The following FHOD3 variants were observed in gnomAD, a reference collection of about 807,000 sequenced individuals.
The protein encoded by FHOD3 is FH1/FH2 domain-containing protein 3.
A neutral mutation model predicts 173.0 loss-of-function variants in FHOD3; 90 were observed. The observed-to-expected ratio is 0.52, with a 90% CI of 0.44 to 0.62. FHOD3 has a LOEUF of 0.62. Ranked by LOEUF, FHOD3 falls within the 20% of genes least tolerant of loss-of-function variation. The pLI is 0.00. For missense variants in FHOD3, 1,945 were observed against 2,034.7 expected (o/e 0.96, Z 0.85); for synonymous variants, 828 against 823.0 (o/e 1.01, Z -0.10).
At chr18:36,551,844 C>G (rs1486743827) in intron 5 of FHOD3, among the ~76,000 whole-genome samples, 1 of 152,104 alleles carries the variant, frequency 6.6e-6, no homozygotes, top group Non-Finnish European at 1.5e-5. Context: ...CTGTTCTCTT[C>G]CATTGATCTA....
At chr18:36,354,123 T>G (rs1253775368) in intron 1 of FHOD3, among the ~76,000 whole-genome samples, 1 of 152,204 alleles carries the variant, frequency 6.6e-6, no homozygotes, top group African/African-American at 2.4e-5. Context: ...GGAATGGTGT[T>G]GGCAAACACA....
At position 36,385,691 on chromosome 18, in the gene FHOD3, G is replaced by A. The variant is rs1855806700; in HGVS notation, c.337+12947G>A. On this transcript the variant is annotated intron_variant, in intron 3 of 28. Coordinates refer to ENST00000590592, the MANE Select transcript of FHOD3 (RefSeq NM_001281740.3). ...GCTGGGATTACAGGCGTGAGCCACT[G>A]GGCCTGGCCTCCAGTTATCGTGTTT... Among the ~76,000 whole-genome samples, 4 of 152,308 alleles carry A rather than the reference G, an allele frequency of 2.6e-5. No individual in the cohort carries two copies. The South Asian group carries it at 8.3e-4, about 32-fold the overall frequency.
intron 15 of FHOD3, among the ~76,000 whole-genome samples, chr18:36,684,203 C>T (rs1033978966): frequency 7.2e-5 from 11 of 152,204 alleles, no homozygotes; most frequent in South Asian, 2.1e-4. Flanking sequence ...GAACTTAACC[C>T]GGTTGATTAC....
chr18:36,416,812 C>G (rs973971903), intron 3 of FHOD3, among the ~76,000 whole-genome samples: 2 of 152,142 alleles, frequency 1.3e-5, no homozygotes, highest in Non-Finnish European at 2.9e-5. Flanking sequence ...CCCCTGCTCC[C>G]TTGCCTTCAA....
chr18:36,406,057 T>C (rs2049038426), intron 3 of FHOD3, among the ~76,000 whole-genome samples: 1 of 152,140 alleles, frequency 6.6e-6, no homozygotes, highest in African/African-American at 2.4e-5. Context: ...TGCCCTAAGT[T>C]CACATTGTGG....
intron 15 of FHOD3, among the ~76,000 whole-genome samples, chr18:36,684,219 A>G (rs1053902188): frequency 6.6e-6 from 1 of 152,212 alleles, no homozygotes; most frequent in African/African-American, 2.4e-5. Context: ...ATTACCTGCT[A>G]ATACAAAATA....
intron 10 of FHOD3, among the ~76,000 whole-genome samples, chr18:36,635,791 C>T (rs140039077): frequency 6.6e-6 from 1 of 152,216 alleles, no homozygotes; most frequent in Non-Finnish European, 1.5e-5. Flanking sequence ...GTTTAGAGGC[C>T]CTAACCCAGG....
intron 10 of FHOD3, among the ~76,000 whole-genome samples, chr18:36,630,855 T>A (rs1026262784): frequency 6.6e-6 from 1 of 152,238 alleles, no homozygotes; most frequent in Non-Finnish European, 1.5e-5. Flanking sequence ...TTGACTAATG[T>A]ATGTTTCACA....
chr18:36,405,005 A>C (rs1266226409), intron 3 of FHOD3, among the ~76,000 whole-genome samples: 1 of 152,176 alleles, frequency 6.6e-6, no homozygotes, highest in Admixed American at 6.5e-5. Flanking sequence ...AAGTTTTTCC[A>C]GGTGATCCTA....
chr18:36,603,609 T>A (rs547858390), intron 8 of FHOD3, among the ~76,000 whole-genome samples: 28 of 151,988 alleles, frequency 1.8e-4, no homozygotes, highest in Non-Finnish European at 5.9e-5. Flanking sequence ...GTTCAAGAGA[T>A]CCTCCTGCCT....
intron 14 of FHOD3, among the ~76,000 whole-genome samples, chr18:36,673,793 C>T (rs1372844715): frequency 6.6e-6 from 1 of 152,144 alleles, no homozygotes; most frequent in Non-Finnish European, 1.5e-5. Flanking sequence ...CTTTCCATTC[C>T]ATTGCTTCAC....
rs57495785 is a variant in FHOD3 at position 36,573,421 on chromosome 18, A to C, written c.512-3030A>C. On this transcript the variant is annotated intron_variant, in intron 5 of 28. Transcript: ENST00000590592. ...GGAGTTTGAAACCAGCCTGGATAGC[A>C]GAAGGAGACCCTATCTCTACAGAAA... 5.8e-3 allele frequency among the ~76,000 whole-genome samples: 850 copies of C among 147,784 alleles called. 8 individuals are homozygous for C. Among genetic ancestry groups the C allele is most frequent in the African/African-American group, 0.02 (804 of 40,260 alleles).
chr18:36,541,249 C>CAAAAAAAAAAA (rs770104487), intron 5 of FHOD3, among the ~76,000 whole-genome samples: 32 of 39,794 alleles, frequency 8.0e-4, no homozygotes, highest in Non-Finnish European at 9.6e-4. Context: ...GACTCTGTCT[C>CAAAAAAAAAAA]AAAAAAAAAA....
At chr18:36,580,213 G>A (rs1371239656) in intron 6 of FHOD3, among the ~76,000 whole-genome samples, 2 of 152,342 alleles carry the variant, frequency 1.3e-5, no homozygotes, top group East Asian at 3.9e-4. Context: ...CCTCAGTGGT[G>A]GTTCAGGACT....
chr18:36,596,239 C>G (rs2030356320), intron 7 of FHOD3, among the ~76,000 whole-genome samples: 1 of 151,538 alleles, frequency 6.6e-6, no homozygotes, highest in Non-Finnish European at 1.5e-5. Context: ...ACTGCAAGCT[C>G]CACCTCGTGG....
intron 5 of FHOD3, among the ~76,000 whole-genome samples, chr18:36,531,008 T>A (rs969336715): frequency 6.6e-6 from 1 of 152,146 alleles, no homozygotes; most frequent in African/African-American, 2.4e-5. Flanking sequence ...GTGACCATGG[T>A]TGAATTAGTT....
chr18:36,748,171 A>G (rs539368639), intron 24 of FHOD3, among the ~76,000 whole-genome samples: 68 of 152,070 alleles, frequency 4.5e-4, no homozygotes, highest in Non-Finnish European at 7.9e-4. Context: ...GTTCTTTTGG[A>G]ATTTAATTGT....
chr18:36,343,572 A>G (rs1248690824), intron 1 of FHOD3, among the ~76,000 whole-genome samples: 1 of 151,592 alleles, frequency 6.6e-6, no homozygotes, highest in Non-Finnish European at 1.5e-5. Flanking sequence ...TCTTACCCAT[A>G]TTTTTTCCAT....
Position 36,596,321 on chromosome 18 carries a change from ATTTTTTTTTTTTTTTTTTTT to A in FHOD3, c.718+1438_718+1457del, listed in dbSNP as rs539907617. Among the ~76,000 whole-genome samples the A allele has an allele frequency of 9.2e-4, 53 of 57,500 alleles. 1 individual carries two copies. Among genetic ancestry groups the A allele is most frequent in the Middle Eastern group, 0.018 (1 of 56 alleles). The allele number at this position is 57,500 out of a possible 152,430, so 37.7% of individuals were successfully genotyped here. On this transcript the variant is annotated intron_variant, in intron 7 of 28. Coordinates refer to ENST00000590592, the MANE Select transcript of FHOD3 (RefSeq NM_001281740.3). The stretch of plus-strand genomic sequence containing the variant: ...AGGTGCCCACCACCATGCCCAGCTA[ATTTTTTTTTTTTTTTTTTTT>A]TTTTTTTTTTTTTTAGTATTTTTAG...
Sources: allele counts gnomAD v4.1 joint callset (sites outside exome capture counted in the v4.1 genomes callset), GRCh38; gene constraint gnomAD v4.1.1; transcripts MANE v1.5; gene names NCBI Gene and HGNC (gene_info 2026-07-23, HGNC 2026-07-21).